Variants in IQANK1 observed in about 807,000 individuals in gnomAD.
IQANK1 encodes IQ motif and ankyrin repeat domain-containing protein 1.
A neutral mutation model predicts 22.6 loss-of-function variants in IQANK1; 30 were observed. The ratio of observed to expected loss-of-function variants is 1.33; its 90% CI spans 0.99 to 1.80. IQANK1 has a LOEUF of 1.80. Ranked by LOEUF, IQANK1 falls within the 40% of genes most tolerant of loss-of-function variation. The pLI, the probability that IQANK1 is intolerant of heterozygous loss-of-function variation, is 0.00. For missense variants in IQANK1, 275 were observed against 235.2 expected (o/e 1.17, Z -1.11); for synonymous variants, 122 against 99.6 (o/e 1.23, Z -1.34).
chr8:143,757,748 AAGCAATTCTCCCACCTC>A (rs1209481934), intron 3 of IQANK1, among the ~76,000 whole-genome samples: 2 of 152,088 alleles, frequency 1.3e-5, no homozygotes, highest in Non-Finnish European at 2.9e-5. Context: ...TCCTGGGCTC[AAGCAATTCTCCCACCTC>A]AGCCTTTTGA....
chr8:143,778,327 C>A (rs187628857), intron 7 of IQANK1, among the ~76,000 whole-genome samples: 1 of 152,012 alleles, frequency 6.6e-6, no homozygotes, highest in Admixed American at 6.6e-5. Flanking sequence ...AACAAATATG[C>A]CAAGATAACA....
chr8:143,761,328 C>T (rs1429604622), intron 3 of IQANK1, among the ~76,000 whole-genome samples: 5 of 152,234 alleles, frequency 3.3e-5, no homozygotes, highest in African/African-American at 1.2e-4. Context: ...CTGCTCCGGC[C>T]CCGGGAAGCT....
In IQANK1 at chr8:143,772,445, C is replaced by T. The variant is rs1205779546; in HGVS notation, c.752C>T (p.Pro251Leu). ...GTGCTCCTGAAGCTCGGAGCAGACC[C>T]CCGGGTGTACGCAGAGGACGGGAGC... ...VEVLLKLGAD[P>L]RVYAEDGSTP... is the part of the protein sequence containing the mutation. Residue 251 changes from proline to leucine, a missense_variant, in exon 7 of 14, where the codon CCC (proline) becomes CTC (leucine). Physicochemically the swap from Pro to Leu is moderately conservative, Grantham distance 98. Transcript: ENST00000527139. The T allele has an allele frequency of 5.0e-6, 2 of 399,284 alleles. No homozygotes were observed. The highest frequency in any genetic ancestry group is 8.8e-6 in the Non-Finnish European group (2 of 226,360). The allele number at this position is 399,284 out of a possible 1,614,324, so 24.7% of individuals were successfully genotyped here.
chr8:143,763,743 G>C (rs1168806631), intron 3 of IQANK1, among the ~76,000 whole-genome samples: 2 of 152,154 alleles, frequency 1.3e-5, no homozygotes, highest in East Asian at 3.8e-4. Context: ...CTGCAGAACC[G>C]TGAGCCAAGT....
At chr8:143,782,501 A>T (rs1383230367) in intron 7 of IQANK1, among the ~76,000 whole-genome samples, 1 of 151,630 alleles carries the variant, frequency 6.6e-6, no homozygotes, top group Non-Finnish European at 1.5e-5. Flanking sequence ...TTTTTGAGAC[A>T]GAGTTTCGCT....
Position 143,735,940 on chromosome 8 carries a change from T to G in IQANK1, c.85+2T>G, listed in dbSNP as rs922657888. ...GGCCCAAGACAAGAGCTGCTGCTGG[T>G]AAGTGCACCCTCTGACCTCCAGAGC... On this transcript the variant is annotated splice_donor_variant, in intron 2 of 13. Transcript: ENST00000527139. LOFTEE classifies it high-confidence loss of function. This position sits in a 1 kb window ranked among gnomAD's most constrained non-coding sequence, Gnocchi z 5.2. 1.1e-5 allele frequency: 8 copies of G among 702,386 alleles called. No individual in the cohort carries two copies. The highest frequency in any genetic ancestry group is 2.0e-5 in the Admixed American group (1 of 49,978). 43.5% of individuals were successfully genotyped at this position (702,386 alleles called of 1,614,324 possible).
intron 3 of IQANK1, among the ~76,000 whole-genome samples, chr8:143,747,720 C>T (rs1554627359): frequency 6.6e-6 from 1 of 151,946 alleles, no homozygotes. Flanking sequence ...GATTTCTAAC[C>T]TCATCCCACT....
intron 3 of IQANK1, chr8:143,759,106 G>A: frequency 3.1e-6 from 1 of 322,890 alleles, no homozygotes; most frequent in Non-Finnish European, 6.1e-6. Context: ...ATCTTCGACT[G>A]CCATGAAGAG....
At chr8:143,736,188 C>T (rs955397279) in intron 2 of IQANK1, among the ~76,000 whole-genome samples, 15 of 148,230 alleles carry the variant, frequency 1.0e-4, no homozygotes, top group East Asian at 8.1e-4. Context: ...GTCACCCAGT[C>T]GAGTGCAATG....
At chr8:143,753,639 A>T (rs1819237253) in intron 3 of IQANK1, among the ~76,000 whole-genome samples, 1 of 151,916 alleles carries the variant, frequency 6.6e-6, no homozygotes, top group Non-Finnish European at 1.5e-5. Flanking sequence ...TTTTTAGTAG[A>T]GATGGGAGTT....
chr8:143,778,907 A>G (rs947306946), intron 7 of IQANK1, among the ~76,000 whole-genome samples: 1 of 152,146 alleles, frequency 6.6e-6, no homozygotes, highest in Non-Finnish European at 1.5e-5. Context: ...GACTACAGGC[A>G]TGCGCCACCA....
intron 7 of IQANK1, among the ~76,000 whole-genome samples, chr8:143,772,814 C>T (rs1471147412): frequency 6.6e-6 from 1 of 152,184 alleles, no homozygotes; most frequent in Non-Finnish European, 1.5e-5. Flanking sequence ...CCGTGCTTTG[C>T]CTGAGGAAGT....
chr8:143,776,331 A>AAC (rs1819685452), intron 7 of IQANK1, among the ~76,000 whole-genome samples: 1 of 141,780 alleles, frequency 7.1e-6, no homozygotes, highest in East Asian at 1.9e-4. Flanking sequence ...CCGTCTCAAA[A>AAC]AAAAAAAAAA....
chr8:143,755,539 T>G (rs1554628397), intron 3 of IQANK1, among the ~76,000 whole-genome samples: 1 of 152,080 alleles, frequency 6.6e-6, no homozygotes, highest in African/African-American at 2.4e-5. Flanking sequence ...AATTTTTGTA[T>G]TTTTAGTAGA....
At position 143,768,969 on chromosome 8, in the gene IQANK1, A is replaced by T. The variant is rs528326358; in HGVS notation, c.176-2519A>T. 2.0e-5 allele frequency among the ~76,000 whole-genome samples: 3 copies of T among 152,264 alleles called. No individual in the cohort carries two copies. In the East Asian group the frequency reaches 5.8e-4, roughly 29 times the overall value. On this transcript the variant is annotated intron_variant, in intron 3 of 13. Transcript: ENST00000527139. ...CGTGAAGGTTGTGATTCTGACCCAA[A>T]TAGGGCTACCAGATGAAACAGGGCT... is the stretch of plus-strand genomic sequence containing the variant.
At chr8:143,750,472 G>A (rs1179523011) in intron 3 of IQANK1, among the ~76,000 whole-genome samples, 3 of 152,124 alleles carry the variant, frequency 2.0e-5, no homozygotes, top group African/African-American at 4.8e-5. Context: ...TGGATCAGGG[G>A]TTTTTATTCA....
At chr8:143,768,436 C>T (rs1419038056) in intron 3 of IQANK1, among the ~76,000 whole-genome samples, 4 of 152,048 alleles carry the variant, frequency 2.6e-5, no homozygotes, top group African/African-American at 4.8e-5. Context: ...TGATACTTAT[C>T]TTGGAAGAGA....
chr8:143,740,372 C>T (rs754804367), intron 3 of IQANK1, among the ~76,000 whole-genome samples: 11 of 152,208 alleles, frequency 7.2e-5, no homozygotes, highest in Non-Finnish European at 1.6e-4. Flanking sequence ...TTCTCAGGCT[C>T]TGCAGCTCCG....
intron 7 of IQANK1, among the ~76,000 whole-genome samples, chr8:143,773,493 T>C (rs1421495280): frequency 1.3e-5 from 2 of 151,900 alleles, no homozygotes; most frequent in Non-Finnish European, 2.9e-5. Context: ...TCAACTTAAT[T>C]TGAACCCCAG....
Sources: allele counts gnomAD v4.1 joint callset (sites outside exome capture counted in the v4.1 genomes callset), GRCh38; gene constraint gnomAD v4.1.1; non-coding constraint Gnocchi (gnomAD v3.1); transcripts MANE v1.5; gene names NCBI Gene and HGNC (gene_info 2026-07-23, HGNC 2026-07-21).